Variants in YWHAE observed in about 807,000 individuals in gnomAD.
The protein encoded by YWHAE is tyrosine 3-monooxygenase/tryptophan 5-monooxygenase activation protein epsilon.
In YWHAE, 4 loss-of-function variants were observed where a neutral mutation model predicts 30.1. The observed-to-expected ratio is 0.13, with a 90% CI of 0.07 to 0.30. YWHAE has a LOEUF of 0.30. Among genes scored for constraint, YWHAE ranks in the 10% least tolerant of loss-of-function variants. The pLI, the probability that YWHAE is intolerant of heterozygous loss-of-function variation, is 1.00. For synonymous variants in YWHAE, 118 were observed against 111.8 expected, an observed-to-expected ratio of 1.06 and a Z score of -0.35; for missense variants, 121 against 315.9, an observed-to-expected ratio of 0.38 and a Z score of 4.68.
chr17:1,376,857 A>G (rs1227126606), intron 1 of YWHAE, among the ~76,000 whole-genome samples: 1 of 152,128 alleles, frequency 6.6e-6, no homozygotes, highest in Non-Finnish European at 1.5e-5. Context: ...CATGGGAAAA[A>G]CGAGCAGGTT....
intron 1 of YWHAE, among the ~76,000 whole-genome samples, chr17:1,365,288 C>T (rs961998879): frequency 2.6e-5 from 4 of 151,992 alleles, no homozygotes; most frequent in Non-Finnish European, 4.4e-5. Context: ...AGAAAGACTT[C>T]ATATACTATC....
At chr17:1,363,183 C>A (rs1358636290) in intron 2 of YWHAE, among the ~76,000 whole-genome samples, 2 of 152,130 alleles carry the variant, frequency 1.3e-5, no homozygotes, top group African/African-American at 2.4e-5. Context: ...CACTCTTGGC[C>A]CGTGGCTTCC....
At chr17:1,382,568 G>A (rs988299463) in intron 1 of YWHAE, among the ~76,000 whole-genome samples, 2 of 150,232 alleles carry the variant, frequency 1.3e-5, no homozygotes, top group African/African-American at 4.9e-5. Flanking sequence ...CACTATGTTA[G>A]CCAGGATGAT....
Position 1,344,581 on chromosome 17 carries a change from T to C in YWHAE, c.*866A>G, listed in dbSNP as rs2072485977. 4.5e-6 allele frequency: 1 copy of C among 223,082 alleles called. No individual in the cohort carries two copies. Among genetic ancestry groups the C allele is most frequent in the East Asian group, 6.5e-5 (1 of 15,376 alleles). The allele number at this position is 223,082 out of a possible 1,614,324, so 13.8% of individuals were successfully genotyped here. A position where few individuals can be genotyped will look rare whatever the true frequency, so the allele number is the denominator to read the frequency against. ...AGGTTTGTTTTATTTAAGTTTAATG[T>C]TAATTCCATGCTGTGTTTCAGTAAG... On this transcript the variant is annotated 3_prime_UTR_variant, in exon 6 of 6. Coordinates refer to ENST00000264335, the MANE Select transcript of YWHAE (RefSeq NM_006761.5).
At chr17:1,353,607 A>T (rs1348966258) in intron 5 of YWHAE, among the ~76,000 whole-genome samples, 1 of 152,048 alleles carries the variant, frequency 6.6e-6, no homozygotes, top group Non-Finnish European at 1.5e-5. Flanking sequence ...TACTAAAAAT[A>T]CAAAAACTAG....
intron 5 of YWHAE, among the ~76,000 whole-genome samples, chr17:1,350,318 C>A (rs1031263424): frequency 2.0e-5 from 3 of 152,148 alleles, no homozygotes; most frequent in Non-Finnish European, 4.4e-5. Flanking sequence ...TAAGGATTAT[C>A]TTTAGTTCTG....
At chr17:1,360,996 G>T in intron 4 of YWHAE, 96 bp downstream of exon 4, 1 of 1,147,480 alleles carries the variant, frequency 8.7e-7, no homozygotes, top group Non-Finnish European at 1.3e-6. Context: ...ATGCAGCCAA[G>T]TCTACAAAGA....
chr17:1,356,804 CAA>C (rs11436001), intron 4 of YWHAE, among the ~76,000 whole-genome samples: 6 of 130,618 alleles, frequency 4.6e-5, no homozygotes, highest in Admixed American at 8.0e-5. Flanking sequence ...ACTAAAAATG[CAA>C]AAAAAAAAAA....
chr17:1,397,507 A>T (rs1024716569), intron 1 of YWHAE, among the ~76,000 whole-genome samples: 2 of 152,322 alleles, frequency 1.3e-5, no homozygotes, highest in Middle Eastern at 3.4e-3. Context: ...GGATACAAAG[A>T]AGTTTAGGCA....
intron 1 of YWHAE, among the ~76,000 whole-genome samples, chr17:1,382,789 C>T (rs937009260): frequency 1.3e-5 from 2 of 152,128 alleles, no homozygotes; most frequent in Admixed American, 6.6e-5. Context: ...ATTTGAGAGG[C>T]TGAGGCCAGC....
chr17:1,345,591 T>A, intron 5 of YWHAE, 92 bp from the exon 6 acceptor site: 1 of 1,335,136 alleles, frequency 7.5e-7, no homozygotes, highest in Non-Finnish European at 1.1e-6. Context: ...GCATAAAGAC[T>A]CTTCTACTTG....
intron 1 of YWHAE, among the ~76,000 whole-genome samples, chr17:1,390,453 G>A (rs1042672333): frequency 6.6e-6 from 1 of 152,284 alleles, no homozygotes; most frequent in African/African-American, 2.4e-5. Flanking sequence ...TCCTAGCACA[G>A]CAGTAACAAA....
intron 1 of YWHAE, among the ~76,000 whole-genome samples, chr17:1,374,211 G>A (rs561457616): frequency 5.1e-4 from 77 of 152,072 alleles, no homozygotes; most frequent in African/African-American, 1.8e-3. Context: ...CCAGCTACTC[G>A]GGAGGCTGAA....
At chr17:1,361,356 A>G in intron 3 of YWHAE, 58 bp from the exon 4 acceptor site, 1 of 1,414,122 alleles carries the variant, frequency 7.1e-7, no homozygotes, top group African/African-American at 1.5e-5. Flanking sequence ...ACGATTTTTA[A>G]AGGAAAATAA....
chr17:1,362,066 T>G, intron 2 of YWHAE, 58 bp from the exon 3 acceptor site: 1 of 1,049,272 alleles, frequency 9.5e-7, no homozygotes, highest in Non-Finnish European at 1.3e-6. Context: ...TACAAATTAT[T>G]ACATATTCTA....
rs2073134152 is a variant in YWHAE, at chr17:1,376,937, T to TC, written c.65-11880_65-11879insG. 4.6e-5 allele frequency among the ~76,000 whole-genome samples: 7 copies of TC among 151,876 alleles called. 1 individual carries two copies. In the South Asian group the frequency reaches 1.5e-3, roughly 32 times the overall value. ...AGGGTCATAACCCTAACTTTTTTTTTTTTTTTTGAGACAGAGTCTAGCTCT... is the reference window on the plus strand; with the variant it reads ...AGGGTCATAACCCTAACTTTTTTTTTCTTTTTTTGAGACAGAGTCTAGCTCT... On this transcript the variant is annotated intron_variant, in intron 1 of 5. Transcript: ENST00000264335.
chr17:1,367,581 A>G (rs1275542270), intron 1 of YWHAE, among the ~76,000 whole-genome samples: 2 of 152,200 alleles, frequency 1.3e-5, no homozygotes, highest in Admixed American at 6.6e-5. Flanking sequence ...TTTTGCCAGC[A>G]AAAACCACAA....
chr17:1,359,410 A>G (rs1291611321), intron 4 of YWHAE, among the ~76,000 whole-genome samples: 1 of 152,208 alleles, frequency 6.6e-6, no homozygotes, highest in Non-Finnish European at 1.5e-5. Context: ...TTTTCATAGC[A>G]GCATTGTACT....
At chr17:1,360,296 G>A (rs11869407) in intron 4 of YWHAE, among the ~76,000 whole-genome samples, 13,496 of 152,142 alleles carry the variant, frequency 0.089, 1,887 homozygotes, top group African/African-American at 0.3. Flanking sequence ...AGTTATGTAC[G>A]TATAAATATT....
Sources: allele counts gnomAD v4.1 joint callset (sites outside exome capture counted in the v4.1 genomes callset), GRCh38; gene constraint gnomAD v4.1.1; transcripts MANE v1.5; gene names NCBI Gene and HGNC (gene_info 2026-07-23, HGNC 2026-07-21).